PROSER3: variants seen among roughly 807,000 people sequenced by gnomAD.
PROSER3 encodes the protein proline and serine rich 3.
In PROSER3, 33 loss-of-function variants were observed where a neutral mutation model predicts 50.2. The ratio of observed to expected loss-of-function variants is 0.66; its 90% confidence interval spans 0.50 to 0.88. The LOEUF (loss-of-function observed/expected upper bound fraction) is 0.88, where lower values mean the gene tolerates loss of function less well. Among genes scored for constraint, PROSER3 ranks in the 40% least tolerant of loss-of-function variants. The pLI, the probability that PROSER3 is intolerant of heterozygous loss-of-function variation, is 0.00. For synonymous variants in PROSER3, 266 were observed against 259.3 expected, an observed-to-expected ratio of 1.03 and a Z score of -0.25; for missense variants, 623 against 612.7, an observed-to-expected ratio of 1.02 and a Z score of -0.18.
intron 8 of PROSER3, chr19:35,767,135 T>A: frequency 1.3e-6 from 1 of 779,316 alleles, no homozygotes; most frequent in Non-Finnish European, 1.9e-6. Context: ...TGTCCCACTG[T>A]GGAGCAGTGT....
chr19:35,763,963 T>A (rs1645629384), intron 5 of PROSER3, among the ~76,000 whole-genome samples: 2 of 151,948 alleles, frequency 1.3e-5, no homozygotes, highest in African/African-American at 4.8e-5. Flanking sequence ...ATTTTTTGGT[T>A]TTTTTGTAGA....
In PROSER3 at chr19:35,766,763, T is replaced by C. The variant is rs1419699004; in HGVS notation, c.770-5T>C. ...TCACCCTCTCCTCTCTACCTCCCCC[T>C]ACAGCATCCCCGGCACCAGCCCAGG... On this transcript the variant is annotated splice_region_variant and splice_polypyrimidine_tract_variant and intron_variant, in intron 7 of 10. Transcript: ENST00000396908. 1 of 1,545,126 alleles carries C rather than the reference T, an allele frequency of 6.5e-7. No individual in the cohort carries two copies. The highest frequency in any genetic ancestry group is 8.8e-7 in the Non-Finnish European group (1 of 1,142,620).
intron 8 of PROSER3, chr19:35,767,702 G>T: frequency 7.0e-7 from 1 of 1,426,534 alleles, no homozygotes; most frequent in South Asian, 1.4e-5. Flanking sequence ...TCCTCACTTC[G>T]AGGGCCCCCC....
chr19:35,759,787 A>G lies in PROSER3; in HGVS notation c.109-2A>G. The G allele has an allele frequency of 1.9e-6, 3 of 1,557,648 alleles. No individual in the cohort carries two copies. The highest frequency in any genetic ancestry group is 2.6e-6 in the Non-Finnish European group (3 of 1,150,486). On this transcript the variant is annotated splice_acceptor_variant, in intron 2 of 10. Coordinates refer to ENST00000396908, the Ensembl canonical transcript of PROSER3. LOFTEE classifies it high-confidence loss of function. ...TCTTCTTGTGCTCTTCCCTGATCTT[A>G]GACCCTGAGCCCATCCAGGTCTCAG...
intron 3 of PROSER3, among the ~76,000 whole-genome samples, chr19:35,760,281 A>G (rs1363535406): frequency 1.3e-5 from 2 of 152,088 alleles, no homozygotes; most frequent in Non-Finnish European, 2.9e-5. Context: ...TCAGTGGTAC[A>G]ATCACAGCTC....
chr19:35,760,162 T>C (rs1465717243), intron 3 of PROSER3, among the ~76,000 whole-genome samples, 171 bp downstream of exon 3: 1 of 152,202 alleles, frequency 6.6e-6, no homozygotes, highest in African/African-American at 2.4e-5. Flanking sequence ...AAATCCCAGC[T>C]CTGTCATTTA....
At chr19:35,758,263 TG>T in intron 1 of PROSER3, 37 bp downstream of exon 1, 1 of 1,557,102 alleles carries the variant, frequency 6.4e-7, no homozygotes, top group East Asian at 2.4e-5. Flanking sequence ...TACAGGAGGC[TG>T]GGGAGGACCA....
At chr19:35,759,500 G>T in intron 2 of PROSER3, 30 bp downstream of exon 2, 1 of 1,565,714 alleles carries the variant, frequency 6.4e-7, no homozygotes. Context: ...AGTGCTGAGT[G>T]CCAGCCCAGT....
Position 35,759,482 on chromosome 19 carries a change from C to T in PROSER3, c.108+12C>T. ...CCTGGTGTCCCAAGGTGAGGACACC[C>T]CTCAAAGAGTGCTGAGTGCCAGCCC... is the stretch of plus-strand genomic sequence containing the variant. On this transcript the variant is annotated intron_variant, in intron 2 of 10. Transcript: ENST00000396908. 1 of 1,603,338 alleles carries T rather than the reference C, an allele frequency of 6.2e-7. No individual in the cohort carries two copies.
intron 3 of PROSER3, among the ~76,000 whole-genome samples, chr19:35,761,554 T>G (rs1417778620): frequency 1.3e-5 from 2 of 151,966 alleles, no homozygotes; most frequent in Non-Finnish European, 2.9e-5. Context: ...CCCAGTGACT[T>G]GGGAGGCTGA....
chr19:35,761,012 T>C (rs1381055928), intron 3 of PROSER3, among the ~76,000 whole-genome samples: 3 of 152,228 alleles, frequency 2.0e-5, no homozygotes, highest in African/African-American at 7.2e-5. Flanking sequence ...AGGGATGATG[T>C]GGCAACCCGT....
chr19:35,759,905 C>A (rs1206606603), exon 3 of PROSER3: 3 of 1,601,924 alleles, frequency 1.9e-6, no homozygotes, highest in Admixed American at 1.7e-5. Flanking sequence ...GTTCAGGGAC[C>A]CCCTCCCTGC....
intron 8 of PROSER3, chr19:35,767,109 G>C (rs778545657): frequency 3.2e-4 from 323 of 1,017,108 alleles, no homozygotes; most frequent in Admixed American, 1.7e-3. Flanking sequence ...AGTTCTCTGG[G>C]GACCCAGCCT....
At chr19:35,765,156 G>A (rs766173272) in exon 7 of PROSER3, 2 of 1,613,564 alleles carry the variant, frequency 1.2e-6, no homozygotes, top group Non-Finnish European at 1.7e-6. Context: ...TCCAGCAAGG[G>A]CCTTGGCCCC....
chr19:35,768,521 T>G (rs754215541), exon 11 of PROSER3: 80 of 1,596,832 alleles, frequency 5.0e-5, no homozygotes, highest in Non-Finnish European at 6.2e-5. Flanking sequence ...GGGAAGGAGA[T>G]TCCCTGGAGG....
chr19:35,770,880 G>A (rs1256002318), downstream of PROSER3: 1 of 117,462 alleles, frequency 8.5e-6, no homozygotes, highest in African/African-American at 3.9e-5. Context: ...TTGCTTTAGA[G>A]GCTACATTAA....
chr19:35,770,203 A>G (rs1015984283), downstream of PROSER3, among the ~76,000 whole-genome samples: 1 of 151,688 alleles, frequency 6.6e-6, no homozygotes, highest in African/African-American at 2.4e-5. Context: ...ATGCCTGGCA[A>G]TTTTTTGTAT....
Position 35,762,008 on chromosome 19 carries a change from G to C in PROSER3, c.312-11G>C. 6.3e-7 allele frequency: 1 copy of C among 1,583,560 alleles called. No individual in the cohort carries two copies. Among genetic ancestry groups the C allele is most frequent in the Non-Finnish European group, 8.6e-7 (1 of 1,158,234 alleles). ...TCACTCCACTCACCTCCTATCCCCTGATGTTCACAGGTATATAAACAGGTT... is the reference window on the plus strand; with the variant it reads ...TCACTCCACTCACCTCCTATCCCCTCATGTTCACAGGTATATAAACAGGTT... On this transcript the variant is annotated splice_polypyrimidine_tract_variant and intron_variant, in intron 3 of 10. Coordinates refer to ENST00000396908, the Ensembl canonical transcript of PROSER3.
At chr19:35,764,613 G>A (rs1442096901) in intron 5 of PROSER3, among the ~76,000 whole-genome samples, 2 of 150,904 alleles carry the variant, frequency 1.3e-5, no homozygotes, top group African/African-American at 2.4e-5. Flanking sequence ...CCGAGATCGT[G>A]CCATTGCACT....
Sources: gnomAD v4.1 joint callset for allele counts (sites outside exome capture counted in the v4.1 genomes callset) on GRCh38, gnomAD v4.1.1 for gene constraint, MANE v1.5 for transcripts, NCBI Gene and HGNC (gene_info 2026-07-23, HGNC 2026-07-21) for gene names.